Variants in COQ6 observed in about 807,000 individuals in gnomAD.
COQ6 encodes ubiquinone biosynthesis monooxygenase COQ6, mitochondrial.
COQ6 carries 45 observed loss-of-function variants against 55.5 expected under a neutral mutation model. That is an observed-to-expected ratio of 0.81 (90% CI 0.64 to 1.04). The LOEUF (loss-of-function observed/expected upper bound fraction) is 1.04. COQ6 is among the 50% of genes least tolerant of loss of function. The pLI, the probability that COQ6 is intolerant of heterozygous loss-of-function variation, is 0.00. For missense variants in COQ6, 550 were observed against 601.3 expected (o/e 0.91, Z 0.89); for synonymous variants, 206 against 230.5 (o/e 0.89, Z 0.96).
At chr14:73,954,997 G>A (rs558110450) in intron 2 of COQ6, among the ~76,000 whole-genome samples, 118 of 141,006 alleles carry the variant, frequency 8.4e-4, no homozygotes, top group Non-Finnish European at 1.5e-3. Flanking sequence ...TGTTGCCCAG[G>A]CTGGAGTGCA....
intron 11 of COQ6, 80 bp from the exon 12 acceptor site, chr14:73,962,887 TACC>T: frequency 8.7e-7 from 1 of 1,153,374 alleles, no homozygotes; most frequent in Non-Finnish European, 1.3e-6. Context: ...TTGGGAAGAA[TACC>T]TACGTGATTA....
At chr14:73,957,132 C>CT (rs2056476031) in intron 4 of COQ6, among the ~76,000 whole-genome samples, 2 of 150,578 alleles carry the variant, frequency 1.3e-5, no homozygotes, top group African/African-American at 4.9e-5. Context: ...GAGTCTCGCT[C>CT]TGTCGCCCAG....
At chr14:73,956,156 C>G (rs946172913) in intron 4 of COQ6, 3 of 451,646 alleles carry the variant, frequency 6.6e-6, no homozygotes, top group South Asian at 2.0e-5. Context: ...AACCCTGTCT[C>G]TACTAAAAAT....
Position 73,962,931 on chromosome 14 carries a change from C to T in COQ6, c.1378-39C>T, listed in dbSNP as rs753107300. ...TACAATAATTATTTTCTTCACCTTA[C>T]TGTGTTAAGAGTTTCATTCACTTTT... On this transcript the variant is annotated intron_variant, in intron 11 of 11. Coordinates refer to ENST00000334571, the MANE Select transcript of COQ6 (RefSeq NM_182476.3). 47 of 1,514,018 alleles carry T rather than the reference C, an allele frequency of 3.1e-5. No homozygotes were observed. In the African/African-American group the frequency reaches 6.2e-4, roughly 20 times the overall value. The allele number at this position is 1,514,018 out of a possible 1,614,324, so 93.8% of individuals were successfully genotyped here.
chr14:73,958,499 T>C, intron 5 of COQ6: 1 of 1,369,684 alleles, frequency 7.3e-7, no homozygotes, highest in Non-Finnish European at 9.5e-7. Flanking sequence ...AAATAACAGA[T>C]AGCTGGGCCT....
chr14:73,950,017 C>T (rs1193968205), upstream of COQ6: 1 of 1,612,942 alleles, frequency 6.2e-7, no homozygotes, highest in Non-Finnish European at 8.5e-7. Flanking sequence ...TCAGGCCTCC[C>T]CACGGTCATT....
intron 1 of COQ6, among the ~76,000 whole-genome samples, chr14:73,952,962 C>T (rs1189639912): frequency 6.6e-6 from 1 of 152,194 alleles, no homozygotes; most frequent in Non-Finnish European, 1.5e-5. Context: ...AGGTGTGAGC[C>T]ACCGCACCGG....
Position 73,953,471 on chromosome 14 carries a change from T to C in COQ6, c.200T>C (p.Leu67Ser), listed in dbSNP as rs991366555. 1.2e-6 allele frequency: 2 copies of C among 1,614,036 alleles called. No individual in the cohort carries two copies. The highest frequency in any genetic ancestry group is 2.7e-5 in the African/African-American group (2 of 74,944). ...DIHFHDKKIL[L>S]LEAGPKKVLE... is the part of the protein sequence containing the mutation. ...CACTTTCATGACAAGAAAATCCTGT[T>C]GCTCGAAGCAGGTCCAAAGAAAGTA... is the stretch of plus-strand genomic sequence containing the variant. The change falls in exon 2 of 12, where the codon TTG (leucine) becomes TCG (serine). Residue 67 changes from leucine to serine, a missense_variant. Physicochemically the swap from Leu to Ser is moderately radical, Grantham distance 145 (BLOSUM62 -2). Transcript: ENST00000334571.
In COQ6 at chr14:73,950,515, A is replaced by G; in HGVS notation, c.163+20A>G. 3 of 1,589,372 alleles carry G rather than the reference A, an allele frequency of 1.9e-6. No homozygotes were observed. The highest frequency in any genetic ancestry group is 2.3e-5 in the East Asian group (1 of 43,748). On this transcript the variant is annotated intron_variant, in intron 1 of 11. Transcript: ENST00000334571. The stretch of plus-strand genomic sequence containing the variant: ...CCTTGGGTAAGCCCTTCTCCAGGCT[A>G]CTAGTGGCCGGAAACCGGGCCGCGG...
chr14:73,953,324 C>T (rs2056271762), intron 1 of COQ6, 111 bp from the exon 2 acceptor site: 1 of 983,938 alleles, frequency 1.0e-6, no homozygotes, highest in Non-Finnish European at 1.6e-6. Flanking sequence ...TTTATGTTCT[C>T]TGTAAGAAAT....
rs913285528 is a variant in COQ6 at position 73,955,263 on chromosome 14, C to G, written c.299-188C>G. ...CCACCGCGCCCGGCAGAAGCTGGGTCTTTTTTCATGCTATACAACCTGGAA... is the reference window on the plus strand; with the variant it reads ...CCACCGCGCCCGGCAGAAGCTGGGTGTTTTTTCATGCTATACAACCTGGAA... On this transcript the variant is annotated intron_variant, in intron 2 of 11. Coordinates refer to ENST00000334571, the MANE Select transcript of COQ6 (RefSeq NM_182476.3). 1.1e-5 allele frequency: 7 copies of G among 643,910 alleles called. No individual in the cohort carries two copies. In the South Asian group the frequency reaches 1.3e-4, roughly 12 times the overall value. 39.9% of individuals were successfully genotyped at this position (643,910 alleles called of 1,614,324 possible). A position where few individuals can be genotyped will look rare whatever the true frequency, so the allele number is the denominator to read the frequency against.
At chr14:73,954,936 C>CTTTTTTTTTTTTTTTTTTT (rs35787543) in intron 2 of COQ6, among the ~76,000 whole-genome samples, 1 of 126,180 alleles carries the variant, frequency 7.9e-6, no homozygotes, top group Non-Finnish European at 1.6e-5. Context: ...GAAGCTGAGT[C>CTTTTTTTTTTTTTTTTTTT]TTTTTTTTTT....
At chr14:73,954,843 CAA>C (rs1216623718) in intron 2 of COQ6, among the ~76,000 whole-genome samples, 15 of 56,306 alleles carry the variant, frequency 2.7e-4, no homozygotes, top group East Asian at 2.1e-3. Context: ...GATTCCGTCT[CAA>C]AAAAAAAAAA....
chr14:73,961,529 C>T lies in COQ6; in HGVS notation c.1169C>T (p.Ala390Val). The change falls in exon 10 of 12, where the codon GCC becomes GTC. Residue 390 changes from alanine to valine, a missense_variant. By Grantham distance (64) the Ala-to-Val change is moderately conservative (BLOSUM62 0). Coordinates refer to ENST00000334571, the MANE Select transcript of COQ6 (RefSeq NM_182476.3). Reference sequence around the variant, plus strand: ...GGCTTTGGGGATATCTCCAGCTTGGCCCATCACCTCAGTACGGCAGCCTTC... The same window carrying T: ...GGCTTTGGGGATATCTCCAGCTTGGTCCATCACCTCAGTACGGCAGCCTTC... ...NMGFGDISSL[A>V]HHLSTAAFNG... 3 of 1,614,150 alleles carry T rather than the reference C, an allele frequency of 1.9e-6. No individual in the cohort carries two copies. Among genetic ancestry groups the T allele is most frequent in the Non-Finnish European group, 2.5e-6 (3 of 1,180,022 alleles).
At chr14:73,960,130 G>C (rs975651370) in intron 8 of COQ6, 79 of 992,524 alleles carry the variant, frequency 8.0e-5, no homozygotes, top group Non-Finnish European at 9.3e-5. Context: ...CTAGGTTGCA[G>C]CTACCTGAAC....
At chr14:73,954,314 C>T (rs1410374183) in intron 2 of COQ6, among the ~76,000 whole-genome samples, 5 of 152,102 alleles carry the variant, frequency 3.3e-5, no homozygotes, top group Non-Finnish European at 7.3e-5. Flanking sequence ...AAAAATAGAA[C>T]ATAGGCCAGG....
intron 3 of COQ6, 51 bp from the exon 4 acceptor site, chr14:73,955,754 A>T: frequency 6.2e-7 from 1 of 1,613,514 alleles, no homozygotes; most frequent in Non-Finnish European, 8.5e-7. Flanking sequence ...TTCTGATTGG[A>T]GTGATGTTTC....
Position 73,954,749 on chromosome 14 carries a change from C to T in COQ6, c.299-702C>T, listed in dbSNP as rs371109672. Among the ~76,000 whole-genome samples the T allele has an allele frequency of 1.3e-3, 182 of 143,068 alleles. 1 individual carries two copies. Among genetic ancestry groups the T allele is most frequent in the African/African-American group, 4.5e-3 (173 of 38,830 alleles). The allele number at this position is 143,068 out of a possible 152,430, so 93.9% of individuals were successfully genotyped here. ...GTCCCAGCTGCTGGGGAGGCTGAGA[C>T]AGGAGAATAGGGTGAACCCGGGAGG... is the stretch of plus-strand genomic sequence containing the variant. On this transcript the variant is annotated intron_variant, in intron 2 of 11. Coordinates refer to ENST00000334571, the MANE Select transcript of COQ6 (RefSeq NM_182476.3).
rs765667062 is a variant in COQ6 at position 73,961,383 on chromosome 14, G to C, written c.1094+8G>C. ...TCGGGTGGCGCTCATTGGGTAAGAC[G>C]ATAACAGAGCAGGGCCACTCCCTTC... On this transcript the variant is annotated splice_region_variant and intron_variant, in intron 9 of 11. Coordinates refer to ENST00000334571, the MANE Select transcript of COQ6 (RefSeq NM_182476.3). The C allele has an allele frequency of 1.2e-6, 2 of 1,614,190 alleles. No individual in the cohort carries two copies. Among genetic ancestry groups the C allele is most frequent in the Non-Finnish European group, 8.5e-7 (1 of 1,180,028 alleles).
Sources: allele counts gnomAD v4.1 joint callset (sites outside exome capture counted in the v4.1 genomes callset), GRCh38; gene constraint gnomAD v4.1.1; transcripts MANE v1.5; gene names NCBI Gene and HGNC (gene_info 2026-07-23, HGNC 2026-07-21).